The following TRIM69 variants were observed in gnomAD, a reference collection of about 807,000 sequenced individuals.
The protein encoded by TRIM69 is E3 ubiquitin-protein ligase TRIM69.
Under a neutral mutation model 37.7 loss-of-function variants are expected in TRIM69, and 29 were observed. The observed-to-expected ratio is 0.77, with a 90% CI of 0.57 to 1.05. The LOEUF is 1.05. TRIM69 is among the 50% of genes least tolerant of loss of function. The pLI is 0.00. For missense variants in TRIM69, 596 were observed against 579.9 expected (o/e 1.03, Z -0.28); for synonymous variants, 209 against 212.4 (o/e 0.98, Z 0.14).
intron 1 of TRIM69, among the ~76,000 whole-genome samples, chr15:44,738,279 C>G (rs1230732946): frequency 6.6e-6 from 1 of 150,972 alleles, no homozygotes; most frequent in African/African-American, 2.4e-5. Flanking sequence ...CCATGTTACC[C>G]AGGCTTGTCT....
chr15:44,767,344 G>C lies in TRIM69; in HGVS notation c.1075G>C (p.Glu359Gln), dbSNP rs776968166. 14 of 1,614,126 alleles carry C rather than the reference G, an allele frequency of 8.7e-6. No homozygotes were observed. The East Asian group carries it at 2.9e-4, about 33-fold the overall frequency. ...DIKKIMPDDP[E>Q]RFDSSVAVLG... Reference sequence around the variant, plus strand: ...TAAGAAGATAATGCCTGATGATCCTGAGAGGTTTGACTCAAGTGTGGCTGT... The same window carrying C: ...TAAGAAGATAATGCCTGATGATCCTCAGAGGTTTGACTCAAGTGTGGCTGT... Residue 359 changes from glutamate (E) to glutamine (Q), a missense_variant, in exon 7 of 7, where the codon GAG (glutamate) becomes CAG (glutamine). Transcript: ENST00000329464.
chr15:44,741,007 A>G (rs2087271434), intron 1 of TRIM69, among the ~76,000 whole-genome samples: 1 of 151,466 alleles, frequency 6.6e-6, no homozygotes, highest in Non-Finnish European at 1.5e-5. Flanking sequence ...AATCAACAGA[A>G]TATACATTTT....
intron 1 of TRIM69, among the ~76,000 whole-genome samples, chr15:44,742,844 G>A (rs982277708): frequency 3.3e-5 from 5 of 151,256 alleles, no homozygotes; most frequent in East Asian, 1.9e-4. Context: ...AACATTCCAC[G>A]CTCATGGATA....
intron 2 of TRIM69, among the ~76,000 whole-genome samples, chr15:44,755,639 G>A (rs2087631000): frequency 6.6e-6 from 1 of 152,184 alleles, no homozygotes; most frequent in African/African-American, 2.4e-5. Flanking sequence ...TAAACACTGT[G>A]TAGAATATGG....
At chr15:44,758,390 A>G in intron 3 of TRIM69, 1 of 617,868 alleles carries the variant, frequency 1.6e-6, no homozygotes, top group South Asian at 2.1e-5. Flanking sequence ...CTGCAATAGG[A>G]AACTGGAGGT....
chr15:44,756,578 A>G, intron 3 of TRIM69, 115 bp downstream of exon 3: 1 of 666,902 alleles, frequency 1.5e-6, no homozygotes, highest in Admixed American at 2.7e-5. Context: ...AATGGTACCT[A>G]GGCTATGGAA....
intron 1 of TRIM69, among the ~76,000 whole-genome samples, 187 bp downstream of exon 1, chr15:44,736,897 G>A (rs962290216): frequency 6.6e-6 from 1 of 152,174 alleles, no homozygotes; most frequent in African/African-American, 2.4e-5. Context: ...TTATACTAGA[G>A]AAGCTGGTAG....
At chr15:44,750,050 C>T (rs769886490) in intron 1 of TRIM69, among the ~76,000 whole-genome samples, 2 of 152,058 alleles carry the variant, frequency 1.3e-5, no homozygotes, top group Middle Eastern at 3.2e-3. Context: ...CTATTCAAGT[C>T]CTTTGTCCAT....
At chr15:44,738,491 G>A (rs555164039) in intron 1 of TRIM69, among the ~76,000 whole-genome samples, 10 of 152,304 alleles carry the variant, frequency 6.6e-5, no homozygotes, top group Non-Finnish European at 1.3e-4. Flanking sequence ...CCTAAAAGGG[G>A]CTGGCAGTAG....
chr15:44,741,838 C>A (rs1321365538), intron 1 of TRIM69, among the ~76,000 whole-genome samples: 2 of 151,220 alleles, frequency 1.3e-5, no homozygotes, highest in Admixed American at 6.6e-5. Context: ...GCTTACCAAC[C>A]AAAAAGAGTC....
chr15:44,767,494 C>T lies in TRIM69; in HGVS notation c.1225C>T (p.Pro409Ser), dbSNP rs761644204. The T allele has an allele frequency of 3.1e-6, 5 of 1,614,028 alleles. No individual in the cohort carries two copies. Among genetic ancestry groups the T allele is most frequent in the Non-Finnish European group, 4.2e-6 (5 of 1,180,024 alleles). The change falls in exon 7 of 7, where the codon CCT becomes TCT. Residue 409 changes from proline to serine, a missense_variant. Transcript: ENST00000329464. The part of the protein sequence containing the change: ...IIRKGSCPLT[P>S]EQGFWLLRLR... ...TCGGAAGGGCAGCTGTCCTCTAACT[C>T]CTGAGCAAGGATTCTGGCTTTTAAG...
intron 3 of TRIM69, 43 bp downstream of exon 3, chr15:44,756,506 C>A: frequency 7.4e-7 from 1 of 1,344,120 alleles, no homozygotes; most frequent in Non-Finnish European, 1.0e-6. Flanking sequence ...AACTGGAACA[C>A]ACCCTCCATG....
intron 6 of TRIM69, among the ~76,000 whole-genome samples, chr15:44,761,361 T>A (rs2087771652): frequency 6.6e-6 from 1 of 152,222 alleles, no homozygotes; most frequent in Non-Finnish European, 1.5e-5. Context: ...AAAATCCCAG[T>A]TTCTCTATAT....
chr15:44,747,754 A>G (rs1364842129), intron 1 of TRIM69, among the ~76,000 whole-genome samples: 2 of 152,208 alleles, frequency 1.3e-5, no homozygotes, highest in South Asian at 2.1e-4. Flanking sequence ...TACAGACTCA[A>G]TCAAAAGCAT....
chr15:44,761,478 G>A (rs549728414), intron 6 of TRIM69, among the ~76,000 whole-genome samples: 25 of 152,120 alleles, frequency 1.6e-4, no homozygotes, highest in African/African-American at 5.8e-4. Flanking sequence ...GTTTTGGTGG[G>A]AGGGTGGGAC....
intron 1 of TRIM69, among the ~76,000 whole-genome samples, chr15:44,744,435 A>G (rs1278130448): frequency 6.6e-6 from 1 of 151,790 alleles, no homozygotes; most frequent in Non-Finnish European, 1.5e-5. Context: ...GTGCACATGT[A>G]CCCTAAAACT....
chr15:44,763,829 G>T (rs1364787071), intron 6 of TRIM69, among the ~76,000 whole-genome samples: 2 of 152,160 alleles, frequency 1.3e-5, no homozygotes, highest in East Asian at 3.8e-4. Flanking sequence ...AGTGGCTCAA[G>T]AGCAGCCTTT....
chr15:44,764,112 C>T (rs1476568880), intron 6 of TRIM69, among the ~76,000 whole-genome samples: 2 of 152,160 alleles, frequency 1.3e-5, no homozygotes, highest in East Asian at 3.8e-4. Flanking sequence ...CTGTGAAGTT[C>T]CCTCCTCTGT....
chr15:44,757,502 T>C (rs1301396616), intron 3 of TRIM69: 2 of 152,112 alleles, frequency 1.3e-5, no homozygotes, highest in Non-Finnish European at 2.9e-5. Context: ...AAGAATGTTC[T>C]AGGAATAGAA....
Sources: allele counts gnomAD v4.1 joint callset (sites outside exome capture counted in the v4.1 genomes callset), GRCh38; gene constraint gnomAD v4.1.1; transcripts MANE v1.5; gene names NCBI Gene and HGNC (gene_info 2026-07-23, HGNC 2026-07-21).